B3GAT2: variants seen among roughly 807,000 people sequenced by gnomAD.
B3GAT2 encodes the protein galactosylgalactosylxylosylprotein 3-beta-glucuronosyltransferase 2.
B3GAT2 carries 26 observed loss-of-function variants against 27.8 expected under a neutral mutation model. The ratio of observed to expected loss-of-function variants is 0.93; its 90% CI spans 0.68 to 1.30. B3GAT2 has a LOEUF of 1.30. B3GAT2 is among the 50% of genes most tolerant of loss of function. The pLI, the probability that B3GAT2 is intolerant of heterozygous loss-of-function variation, is 0.00. For synonymous variants in B3GAT2, 218 were observed against 195.1 expected (o/e 1.12, Z -0.98); for missense variants, 458 against 459.0 (o/e 1.00, Z 0.02).
chr6:70,940,127 C>G (rs1765364694), intron 1 of B3GAT2, among the ~76,000 whole-genome samples: 1 of 151,982 alleles, frequency 6.6e-6, no homozygotes, highest in South Asian at 2.1e-4. Flanking sequence ...AAGGGGCAAC[C>G]ACATAGGTAG....
intron 2 of B3GAT2, among the ~76,000 whole-genome samples, chr6:70,864,019 G>T (rs1771809580): frequency 1.4e-5 from 2 of 145,822 alleles, no homozygotes; most frequent in African/African-American, 2.5e-5. Flanking sequence ...AGTGTTAAAA[G>T]ATTTCTTGCT....
intron 1 of B3GAT2, among the ~76,000 whole-genome samples, chr6:70,902,617 G>GATAC (rs147821209): frequency 6.4e-5 from 8 of 125,258 alleles, no homozygotes; most frequent in African/African-American, 1.9e-4. Context: ...AAGAAAATGG[G>GATAC]ATATATATAT....
At chr6:70,862,898 G>T (rs963414375) in intron 2 of B3GAT2, among the ~76,000 whole-genome samples, 1 of 152,112 alleles carries the variant, frequency 6.6e-6, no homozygotes, top group Non-Finnish European at 1.5e-5. Context: ...GATTGCCTGA[G>T]CCTATGAGGT....
intron 1 of B3GAT2, among the ~76,000 whole-genome samples, chr6:70,908,849 A>C (rs1772641790): frequency 6.6e-6 from 1 of 152,198 alleles, no homozygotes; most frequent in African/African-American, 2.4e-5. Flanking sequence ...CCTGGTGGAA[A>C]ACATACTCAG....
rs142283047 is a variant in B3GAT2, at chr6:70,953,943, C to T, written c.591+1896G>A. On this transcript the variant is annotated intron_variant, in intron 1 of 3. Transcript: ENST00000230053. Reference sequence around the variant, plus strand: ...CAGTTTGGGAAGCATCAAAGGAAGGCTGTGTCCTGAATCATTTCACTGCCT... The same window carrying T: ...CAGTTTGGGAAGCATCAAAGGAAGGTTGTGTCCTGAATCATTTCACTGCCT... Among the ~76,000 whole-genome samples the T allele has an allele frequency of 5.7e-3, 870 of 152,286 alleles. 5 individuals are homozygous for T. Among genetic ancestry groups the T allele is most frequent in the Middle Eastern group, 0.041 (12 of 294 alleles).
intron 2 of B3GAT2, among the ~76,000 whole-genome samples, chr6:70,866,590 C>A (rs1213508613): frequency 6.6e-6 from 1 of 151,962 alleles, no homozygotes; most frequent in Admixed American, 6.6e-5. Flanking sequence ...GGAGACACTG[C>A]AGAATAAAAG....
At chr6:70,955,743 G>A (rs901180203) in intron 1 of B3GAT2, 96 bp downstream of exon 1, 1 of 1,351,950 alleles carries the variant, frequency 7.4e-7, no homozygotes, top group Admixed American at 3.1e-5. Flanking sequence ...GAACTCAAAA[G>A]TGCACCCGGA....
Position 70,917,378 on chromosome 6 carries a change from GT to G in B3GAT2, c.592-23107del, listed in dbSNP as rs546915879. On this transcript the variant is annotated intron_variant, in intron 1 of 3. Transcript: ENST00000230053. ...CTGGGTTCATTGATTTTTTTTAAGG[GT>G]TTTTTGTGTCTCTCTCTCCTTTAGT... Among the ~76,000 whole-genome samples the G allele has an allele frequency of 6.6e-5, 10 of 151,558 alleles. 1 individual carries two copies. The highest frequency in any genetic ancestry group is 6.6e-4 in the Admixed American group (10 of 15,208).
At chr6:70,894,827 T>A (rs1428113382) in intron 1 of B3GAT2, among the ~76,000 whole-genome samples, 2 of 152,162 alleles carry the variant, frequency 1.3e-5, no homozygotes, top group South Asian at 4.1e-4. Flanking sequence ...CCCTAAACAT[T>A]TGCCTGCCTT....
chr6:70,920,022 A>T (rs1403869939), intron 1 of B3GAT2, among the ~76,000 whole-genome samples: 1 of 152,192 alleles, frequency 6.6e-6, no homozygotes, highest in Non-Finnish European at 1.5e-5. Context: ...GAATCTACAG[A>T]GGCAGTAGGC....
Position 70,924,065 on chromosome 6 carries a change from G to C in B3GAT2, c.592-29793C>G, listed in dbSNP as rs139714102. ...TATTTGAGTGATGGATACCATAAAA[G>C]TCCTGACATCACCACTATACAATCT... On this transcript the variant is annotated intron_variant, in intron 1 of 3. Transcript: ENST00000230053. Among the ~76,000 whole-genome samples, 1,413 of 152,208 alleles carry C rather than the reference G, an allele frequency of 9.3e-3. 11 individuals are homozygous for C. Among genetic ancestry groups the C allele is most frequent in the Middle Eastern group, 0.048 (14 of 294 alleles).
At chr6:70,899,167 A>G (rs577228294) in intron 1 of B3GAT2, among the ~76,000 whole-genome samples, 29 of 152,328 alleles carry the variant, frequency 1.9e-4, no homozygotes, top group African/African-American at 6.7e-4. Context: ...AATTGCCATT[A>G]AAGGGAATTA....
chr6:70,956,015 G>A lies in B3GAT2; in HGVS notation c.415C>T (p.His139Tyr), dbSNP rs758276244. 3 of 1,503,786 alleles carry A rather than the reference G, an allele frequency of 2.0e-6. No homozygotes were observed. The highest frequency in any genetic ancestry group is 1.8e-6 in the Non-Finnish European group (2 of 1,136,278). 93.2% of individuals were successfully genotyped at this position (1,503,786 alleles called of 1,614,324 possible). Residue 139 changes from histidine to tyrosine, a missense_variant, in exon 1 of 4, where the codon CAC (histidine) becomes TAC (tyrosine). Transcript: ENST00000230053. ...FLARAGLPST[H>Y]LHVPTPRRYK... ...CGCCGCGGCGTGGGCACGTGCAGGTGAGTGCTGGGCAGCCCGGCCCGCGCC... is the reference window on the plus strand; with the variant it reads ...CGCCGCGGCGTGGGCACGTGCAGGTAAGTGCTGGGCAGCCCGGCCCGCGCC...
At position 70,879,480 on chromosome 6, in the gene B3GAT2, GATTCATTCATTCATTC is replaced by G. The variant is rs140959014; in HGVS notation, c.736+14632_736+14647del. The stretch of plus-strand genomic sequence containing the variant: ...CCTGGCACAGTTGTTCTAAACTTAG[GATTCATTCATTCATTC>G]ATTCATTCATTCAACAAAAACATAC... On this transcript the variant is annotated intron_variant, in intron 2 of 3. Transcript: ENST00000230053. Among the ~76,000 whole-genome samples, 4 of 151,662 alleles carry G rather than the reference GATTCATTCATTCATTC, an allele frequency of 2.6e-5. No individual in the cohort carries two copies. In the South Asian group the frequency reaches 6.2e-4, roughly 24 times the overall value.
rs562607757 is a variant in B3GAT2, at chr6:70,899,774, T to C, written c.592-5502A>G. ...CACTCCTGGGATCTGTCCTTTGTTC[T>C]GTGTCATTTTCACTCAATCTATGCT... On this transcript the variant is annotated intron_variant, in intron 1 of 3. Coordinates refer to ENST00000230053, the MANE Select transcript of B3GAT2 (RefSeq NM_080742.3). 8.1e-4 allele frequency among the ~76,000 whole-genome samples: 124 copies of C among 152,346 alleles called. 1 individual carries two copies. Among genetic ancestry groups the C allele is most frequent in the African/African-American group, 2.7e-3 (114 of 41,592 alleles).
At chr6:70,921,664 C>T (rs978309077) in intron 1 of B3GAT2, among the ~76,000 whole-genome samples, 3 of 152,174 alleles carry the variant, frequency 2.0e-5, no homozygotes, top group African/African-American at 7.2e-5. Context: ...TAAGAAGGCA[C>T]TCTAGTTTTT....
At chr6:70,951,672 G>A (rs1033628205) in intron 1 of B3GAT2, among the ~76,000 whole-genome samples, 3 of 151,996 alleles carry the variant, frequency 2.0e-5, no homozygotes, top group African/African-American at 4.8e-5. Context: ...TATCAAAAAC[G>A]AACCATAATT....
intron 1 of B3GAT2, among the ~76,000 whole-genome samples, chr6:70,950,173 G>A (rs890120262): frequency 6.6e-6 from 1 of 151,460 alleles, no homozygotes; most frequent in African/African-American, 2.4e-5. Flanking sequence ...CCTGCACATT[G>A]TGCACATGTA....
rs372158787 is a variant in B3GAT2 at position 70,956,155 on chromosome 6, G to T, written c.275C>A (p.Pro92Gln). 8.3e-5 allele frequency: 133 copies of T among 1,607,396 alleles called. No individual in the cohort carries two copies. The highest frequency in any genetic ancestry group is 1.8e-4 in the Admixed American group (11 of 59,466). ...IYAITPTYSR[P>Q]VQKAELTRLA... ...GCGGGTCAGCTCCGCTTTCTGCACC[G>T]GGCGGCTGTAGGTGGGCGTGATGGC... is the stretch of plus-strand genomic sequence containing the variant. Residue 92 changes from proline to glutamine, a missense_variant, in exon 1 of 4, where the codon CCG becomes CAG. Physicochemically the swap from Pro to Gln is moderately conservative, Grantham distance 76. Transcript: ENST00000230053.
Sources: gnomAD v4.1 joint callset for allele counts (sites outside exome capture counted in the v4.1 genomes callset) on GRCh38, gnomAD v4.1.1 for gene constraint, MANE v1.5 for transcripts, NCBI Gene and HGNC (gene_info 2026-07-23, HGNC 2026-07-21) for gene names.